The following PDZRN3 variants were observed in gnomAD, a reference collection of about 807,000 sequenced individuals.
PDZRN3 encodes the protein E3 ubiquitin-protein ligase PDZRN3.
A neutral mutation model predicts 85.7 loss-of-function variants in PDZRN3; 38 were observed. That is an observed-to-expected ratio of 0.44 (90% CI 0.34 to 0.58). PDZRN3 has a LOEUF of 0.58. PDZRN3 is among the 20% of genes least tolerant of loss of function. The probability of loss-of-function intolerance (pLI) is 0.01; values close to 1 mark genes in which losing one functional copy is unlikely to be tolerated. For missense variants in PDZRN3, 1,629 were observed against 1,506.4 expected, an observed-to-expected ratio of 1.08 and a Z score of -1.35; for synonymous variants, 759 against 638.0, an observed-to-expected ratio of 1.19 and a Z score of -2.86.
chr3:73,403,227 T>G (rs1701789730), intron 4 of PDZRN3, among the ~76,000 whole-genome samples: 1 of 152,212 alleles, frequency 6.6e-6, no homozygotes, highest in South Asian at 2.1e-4. Context: ...ATTACAGGTG[T>G]GAGCCACCAC....
chr3:73,471,762 C>A (rs1275674192), intron 3 of PDZRN3, among the ~76,000 whole-genome samples: 1 of 152,216 alleles, frequency 6.6e-6, no homozygotes, highest in Admixed American at 6.5e-5. Flanking sequence ...GGCAAAATGG[C>A]CTCCTGGCTT....
At chr3:73,531,849 A>G (rs1335602950) in intron 3 of PDZRN3, among the ~76,000 whole-genome samples, 2 of 152,232 alleles carry the variant, frequency 1.3e-5, no homozygotes, top group Non-Finnish European at 1.5e-5. Flanking sequence ...TGAACCCAGC[A>G]CATACATCTC....
At chr3:73,409,481 T>C (rs1252237794) in intron 3 of PDZRN3, among the ~76,000 whole-genome samples, 3 of 152,216 alleles carry the variant, frequency 2.0e-5, no homozygotes, top group African/African-American at 7.2e-5. Flanking sequence ...TTACTGAGCT[T>C]ATTTAGTGAG....
At chr3:73,391,920 C>T (rs972118773) in intron 5 of PDZRN3, among the ~76,000 whole-genome samples, 9 of 152,110 alleles carry the variant, frequency 5.9e-5, no homozygotes, top group Admixed American at 2.6e-4. Flanking sequence ...ATAAGTTCTC[C>T]GGTAGATCCT....
At chr3:73,605,372 G>A (rs1003592409) in intron 2 of PDZRN3, among the ~76,000 whole-genome samples, 1 of 152,122 alleles carries the variant, frequency 6.6e-6, no homozygotes, top group African/African-American at 2.4e-5. Context: ...GAAATGAAAG[G>A]GGATTGTTTT....
At chr3:73,554,541 T>C (rs968392291) in intron 3 of PDZRN3, among the ~76,000 whole-genome samples, 1 of 152,100 alleles carries the variant, frequency 6.6e-6, no homozygotes, top group African/African-American at 2.4e-5. Flanking sequence ...AAACAAACCA[T>C]AATGTACGTT....
At chr3:73,616,625 C>T (rs2106914887) in intron 1 of PDZRN3, among the ~76,000 whole-genome samples, 2 of 152,302 alleles carry the variant, frequency 1.3e-5, no homozygotes, top group Middle Eastern at 3.4e-3. Context: ...TATTGAGTAA[C>T]AATCTCTTTT....
At chr3:73,581,657 C>G (rs939180966) in intron 3 of PDZRN3, among the ~76,000 whole-genome samples, 4 of 152,226 alleles carry the variant, frequency 2.6e-5, no homozygotes, top group Non-Finnish European at 5.9e-5. Flanking sequence ...ATAAAGTGGA[C>G]TCACACTCAT....
At chr3:73,579,659 A>G (rs929720828) in intron 3 of PDZRN3, among the ~76,000 whole-genome samples, 6 of 152,198 alleles carry the variant, frequency 3.9e-5, no homozygotes, top group Non-Finnish European at 7.3e-5. Context: ...AATGTGGCAC[A>G]CTGCAAGTTG....
intron 3 of PDZRN3, among the ~76,000 whole-genome samples, chr3:73,540,949 C>T (rs1379849785): frequency 6.6e-6 from 1 of 151,998 alleles, no homozygotes; most frequent in African/African-American, 2.4e-5. Context: ...GCATGTTTAC[C>T]CAATTCTTAA....
At chr3:73,468,834 G>A (rs1703275851) in intron 3 of PDZRN3, among the ~76,000 whole-genome samples, 1 of 152,026 alleles carries the variant, frequency 6.6e-6, no homozygotes, top group South Asian at 2.1e-4. Flanking sequence ...ATAAACTTGG[G>A]CTTATCACCT....
At chr3:73,408,365 C>T in intron 3 of PDZRN3, 1 of 606,952 alleles carries the variant, frequency 1.6e-6, no homozygotes. Context: ...TACTAAGACT[C>T]CAGTGCTCGT....
rs529619008 is a variant in PDZRN3 at position 73,436,157 on chromosome 3, G to A, written c.919-31762C>T. Among the ~76,000 whole-genome samples, 13 of 152,268 alleles carry A rather than the reference G, an allele frequency of 8.5e-5. No individual in the cohort carries two copies. The South Asian group carries it at 1.5e-3, about 17-fold the overall frequency. ...TTCAGATCTTCCAAAGTACTGTGTCGTATCACCCCGTTCATTTCCTTTGCA... is the reference window on the plus strand; with the variant it reads ...TTCAGATCTTCCAAAGTACTGTGTCATATCACCCCGTTCATTTCCTTTGCA... On this transcript the variant is annotated intron_variant, in intron 3 of 9. Transcript: ENST00000263666.
intron 3 of PDZRN3, among the ~76,000 whole-genome samples, chr3:73,478,427 G>A (rs951558492): frequency 1.3e-5 from 2 of 152,060 alleles, no homozygotes; most frequent in African/African-American, 4.8e-5. Context: ...AATGCCTGAT[G>A]ATCTGTCACT....
chr3:73,579,844 G>GTA (rs564722489), intron 3 of PDZRN3, among the ~76,000 whole-genome samples: 47 of 152,014 alleles, frequency 3.1e-4, no homozygotes, highest in Non-Finnish European at 4.1e-4. Context: ...GTGTGTGTGT[G>GTA]TATATATATT....
At chr3:73,516,077 C>T (rs1231935676) in intron 3 of PDZRN3, among the ~76,000 whole-genome samples, 24 of 152,106 alleles carry the variant, frequency 1.6e-4, no homozygotes, top group Admixed American at 1.6e-3. Flanking sequence ...GGCTTCCTGC[C>T]GTATAGATGT....
intron 3 of PDZRN3, among the ~76,000 whole-genome samples, chr3:73,588,451 C>A (rs1339371680): frequency 1.3e-5 from 2 of 152,200 alleles, no homozygotes; most frequent in Non-Finnish European, 2.9e-5. Flanking sequence ...AAGTGTACAT[C>A]TTGGTGTATT....
chr3:73,440,786 G>A (rs1702620679), intron 3 of PDZRN3, among the ~76,000 whole-genome samples: 1 of 152,220 alleles, frequency 6.6e-6, no homozygotes, highest in Non-Finnish European at 1.5e-5. Context: ...AGTGAACTCA[G>A]CCCAGTCCCT....
At chr3:73,569,965 T>C (rs948964558) in intron 3 of PDZRN3, among the ~76,000 whole-genome samples, 2 of 152,220 alleles carry the variant, frequency 1.3e-5, no homozygotes, top group African/African-American at 4.8e-5. Context: ...TGGGTGACAC[T>C]GACTCCTGAG....
Sources: allele counts gnomAD v4.1 joint callset (sites outside exome capture counted in the v4.1 genomes callset), GRCh38; gene constraint gnomAD v4.1.1; transcripts MANE v1.5; gene names NCBI Gene and HGNC (gene_info 2026-07-23, HGNC 2026-07-21).